NMNAT1: variants seen among roughly 807,000 people sequenced by gnomAD.
The protein encoded by NMNAT1 is nicotinamide/nicotinic acid mononucleotide adenylyltransferase 1.
In NMNAT1, 11 loss-of-function variants were observed where a neutral mutation model predicts 16.7. The ratio of observed to expected loss-of-function variants is 0.66; its 90% confidence interval spans 0.41 to 1.09. The LOEUF is 1.09. Among genes scored for constraint, NMNAT1 ranks in the 50% least tolerant of loss-of-function variants. The probability of loss-of-function intolerance (pLI) is 0.00; values close to 1 mark genes in which losing one functional copy is unlikely to be tolerated. For synonymous variants in NMNAT1, 110 were observed against 119.8 expected, an observed-to-expected ratio of 0.92 and a Z score of 0.53; for missense variants, 280 against 332.3, an observed-to-expected ratio of 0.84 and a Z score of 1.22.
At chr1:9,961,549 C>T (rs1250400390) in intron 1 of NMNAT1, among the ~76,000 whole-genome samples, 1 of 152,106 alleles carries the variant, frequency 6.6e-6, no homozygotes, top group Non-Finnish European at 1.5e-5. Context: ...GTATCGAGGG[C>T]CTGGGGTAGG....
At chr1:9,966,270 C>T (rs576615802) in intron 1 of NMNAT1, among the ~76,000 whole-genome samples, 20 of 149,732 alleles carry the variant, frequency 1.3e-4, no homozygotes, top group Non-Finnish European at 3.0e-4. Flanking sequence ...CTGCACTCCA[C>T]CGTGGGCAAC....
intron 2 of NMNAT1, among the ~76,000 whole-genome samples, chr1:9,972,847 G>C (rs1450950803): frequency 6.6e-6 from 1 of 152,140 alleles, no homozygotes; most frequent in African/African-American, 2.4e-5. Flanking sequence ...TGTGGTCCCA[G>C]CTACTCAGGA....
In NMNAT1 at chr1:9,982,717, A is replaced by G. The variant is rs12086725; in HGVS notation, c.*16A>G. On this transcript the variant is annotated 3_prime_UTR_variant, in exon 5 of 5. Coordinates refer to ENST00000377205, the MANE Select transcript of NMNAT1 (RefSeq NM_022787.4). The stretch of plus-strand genomic sequence containing the variant: ...TAAGACATAGGAATTCTACAGCATG[A>G]TATTTCAGACTTCCCATTTGGGGAT... 1.8e-3 allele frequency: 2,789 copies of G among 1,570,078 alleles called. 46 individuals are homozygous for G. The African/African-American group carries it at 0.032, about 18-fold the overall frequency.
At chr1:9,955,027 G>A (rs184483116) in intron 1 of NMNAT1, among the ~76,000 whole-genome samples, 13 of 152,290 alleles carry the variant, frequency 8.5e-5, no homozygotes, top group African/African-American at 1.9e-4. Flanking sequence ...GCTCACGCCT[G>A]TAATCCCAGC....
chr1:9,972,018 A>G lies in NMNAT1; in HGVS notation c.-56A>G. On this transcript the variant is annotated splice_region_variant and 5_prime_UTR_variant, in exon 2 of 5. Coordinates refer to ENST00000377205, the MANE Select transcript of NMNAT1 (RefSeq NM_022787.4). ...AATTTATTTTCTTTTTCCTTTGTAGACAACAAGGGAGGTGTCACAGTTTTC... is the reference window on the plus strand; with the variant it reads ...AATTTATTTTCTTTTTCCTTTGTAGGCAACAAGGGAGGTGTCACAGTTTTC... 3.4e-6 allele frequency: 3 copies of G among 882,368 alleles called. No homozygotes were observed. The highest frequency in any genetic ancestry group is 5.7e-6 in the Non-Finnish European group (3 of 526,902). The allele number at this position is 882,368 out of a possible 1,614,324, so 54.7% of individuals were successfully genotyped here.
the NMNAT1 span, among the ~76,000 whole-genome samples, chr1:9,992,336 G>GC: frequency 6.6e-6 from 1 of 151,778 alleles, no homozygotes; most frequent in Non-Finnish European, 1.5e-5. Flanking sequence ...TCCCTCCTCG[G>GC]CCCCAAAATG....
chr1:9,975,840 A>C (rs528052810), intron 3 of NMNAT1, 65 bp downstream of exon 3: 2 of 1,265,496 alleles, frequency 1.6e-6, no homozygotes, highest in Non-Finnish European at 1.1e-6. Context: ...TGTTTTTACC[A>C]TGTTTCAATG....
chr1:9,960,276 C>A (rs1641371771), intron 1 of NMNAT1, among the ~76,000 whole-genome samples: 1 of 151,684 alleles, frequency 6.6e-6, no homozygotes, highest in African/African-American at 2.4e-5. Context: ...CAGAGCGATA[C>A]CCTATCTCTA....
At chr1:9,969,978 C>T (rs970884741) in intron 1 of NMNAT1, among the ~76,000 whole-genome samples, 8 of 152,118 alleles carry the variant, frequency 5.3e-5, no homozygotes, top group African/African-American at 1.9e-4. Flanking sequence ...ACCTTACATG[C>T]TTCAAGACAG....
At chr1:9,957,836 G>A (rs532282235) in intron 1 of NMNAT1, among the ~76,000 whole-genome samples, 54 of 152,048 alleles carry the variant, frequency 3.6e-4, no homozygotes, top group African/African-American at 1.2e-3. Context: ...GACTGTTTCC[G>A]CTAAGAATAA....
At chr1:9,943,933 A>C (rs1452860737) in intron 1 of NMNAT1, among the ~76,000 whole-genome samples, 1 of 152,040 alleles carries the variant, frequency 6.6e-6, no homozygotes, top group South Asian at 2.1e-4. Context: ...CTTGAGAAGG[A>C]GGTAATGAGC....
intron 1 of NMNAT1, among the ~76,000 whole-genome samples, chr1:9,964,806 A>G (rs1206658871): frequency 6.7e-6 from 1 of 149,894 alleles, no homozygotes; most frequent in Non-Finnish European, 1.5e-5. Flanking sequence ...AAAATTGGCC[A>G]GCATGGTGAC....
chr1:9,968,844 C>CAAGTAGCTTGAACCTGGGAGGTTCA (rs1323723076), intron 1 of NMNAT1, among the ~76,000 whole-genome samples: 1 of 141,900 alleles, frequency 7.0e-6, no homozygotes, highest in African/African-American at 2.6e-5. Flanking sequence ...GAGGCTGAAG[C>CAAGTAGCTTGAACCTGGGAGGTTCA]AGGGAGGATT....
In NMNAT1 at chr1:9,982,464, T is replaced by G. The variant is rs368456221; in HGVS notation, c.603T>G (p.Asp201Glu). 6.2e-7 allele frequency: 1 copy of G among 1,614,118 alleles called. No individual in the cohort carries two copies. Among genetic ancestry groups the G allele is most frequent in the Non-Finnish European group, 8.5e-7 (1 of 1,180,028 alleles). Reference sequence around the variant, plus strand: ...CTCAGAAGTTTATCTATGAATCGGATGTGCTGTGGAAACACCGGAGCAACA... The same window carrying G: ...CTCAGAAGTTTATCTATGAATCGGAGGTGCTGTGGAAACACCGGAGCAACA... ...NDAQKFIYESDVLWKHRSNIH... is the reference protein window; with the variant it reads ...NDAQKFIYESEVLWKHRSNIH... Residue 201 changes from aspartate to glutamate, a missense_variant, in exon 5 of 5, where the codon GAT becomes GAG. Transcript: ENST00000377205.
At chr1:9,961,946 T>G (rs1641418882) in intron 1 of NMNAT1, among the ~76,000 whole-genome samples, 1 of 151,910 alleles carries the variant, frequency 6.6e-6, no homozygotes, top group Non-Finnish European at 1.5e-5. Context: ...TTTTGTATTT[T>G]TAGTAGAGAC....
At chr1:9,978,793 G>C (rs773664400) in intron 3 of NMNAT1, among the ~76,000 whole-genome samples, 25 of 152,210 alleles carry the variant, frequency 1.6e-4, no homozygotes, top group Non-Finnish European at 3.1e-4. Flanking sequence ...GGGTAACATT[G>C]CACAGTTTGA....
At chr1:9,981,216 C>T (rs977465995) in intron 4 of NMNAT1, 46 bp downstream of exon 4, 2 of 1,575,822 alleles carry the variant, frequency 1.3e-6, no homozygotes, top group East Asian at 4.5e-5. Flanking sequence ...TGATAAGATT[C>T]TGTAGCTGAG....
chr1:9,981,162 A>G lies in NMNAT1; in HGVS notation c.431A>G (p.Lys144Arg), dbSNP rs1322119695. ...AGTCAAAAGAAATCCCTAGAGCCAA[A>G]AACAAAAGGTTTGTATGTTTTAGCA... ...DSSQKKSLEP[K>R]TKAVPKVKLL... The change falls in exon 4 of 5, where the codon AAA becomes AGA. Residue 144 changes from lysine (K) to arginine (R), a missense_variant. Lys to Arg is a conservative substitution (Grantham distance 26, BLOSUM62 2). Transcript: ENST00000377205. The G allele has an allele frequency of 6.2e-7, 1 of 1,610,852 alleles. No individual in the cohort carries two copies. The highest frequency in any genetic ancestry group is 2.2e-5 in the East Asian group (1 of 44,850).
At chr1:9,958,284 GT>G (rs1262637171) in intron 1 of NMNAT1, among the ~76,000 whole-genome samples, 1 of 152,024 alleles carries the variant, frequency 6.6e-6, no homozygotes, top group Non-Finnish European at 1.5e-5. Flanking sequence ...GATATTTTGT[GT>G]TTTTAGTAGA....
Sources: gnomAD v4.1 joint callset for allele counts (sites outside exome capture counted in the v4.1 genomes callset) on GRCh38, gnomAD v4.1.1 for gene constraint, MANE v1.5 for transcripts, NCBI Gene and HGNC (gene_info 2026-07-23, HGNC 2026-07-21) for gene names.